ASTN2: variants seen among roughly 807,000 people sequenced by gnomAD.
ASTN2 encodes astrotactin 2.
A neutral mutation model predicts 139.8 loss-of-function variants in ASTN2; 54 were observed. The ratio of observed to expected loss-of-function variants is 0.39; its 90% CI spans 0.31 to 0.48. The LOEUF (loss-of-function observed/expected upper bound fraction) is 0.48, where lower values mean the gene tolerates loss of function less well. Ranked by LOEUF, ASTN2 falls within the 20% of genes least tolerant of loss-of-function variation. The pLI, the probability that ASTN2 is intolerant of heterozygous loss-of-function variation, is 0.95. For missense variants in ASTN2, 1,565 were observed against 1,725.1 expected (o/e 0.91, Z 1.64); for synonymous variants, 756 against 719.5 (o/e 1.05, Z -0.81).
intron 1 of ASTN2, among the ~76,000 whole-genome samples, chr9:117,345,278 C>T (rs1165359626): frequency 2.0e-5 from 3 of 152,168 alleles, no homozygotes; most frequent in African/African-American, 7.2e-5. Flanking sequence ...CAGCCACAGT[C>T]TAGGTCCTAG....
At chr9:117,182,891 C>T (rs10983562) in intron 3 of ASTN2, among the ~76,000 whole-genome samples, 17,620 of 152,134 alleles carry the variant, frequency 0.12, 1,186 homozygotes, top group Middle Eastern at 0.17. Flanking sequence ...GAGACTCTTC[C>T]TCATATTGAA....
At chr9:116,776,987 G>C (rs12236431) in intron 13 of ASTN2, among the ~76,000 whole-genome samples, 1 of 152,144 alleles carries the variant, frequency 6.6e-6, no homozygotes, top group African/African-American at 2.4e-5. Context: ...ACATCGTAAA[G>C]GTTCTGGATT....
intron 4 of ASTN2, among the ~76,000 whole-genome samples, chr9:117,129,144 G>T (rs1008676722): frequency 1.8e-4 from 27 of 152,272 alleles, no homozygotes; most frequent in African/African-American, 3.4e-4. Context: ...TTTTGTAAAG[G>T]TAATTTCAAT....
intron 1 of ASTN2, among the ~76,000 whole-genome samples, chr9:117,349,837 C>A (rs982021394): frequency 6.6e-6 from 1 of 152,124 alleles, no homozygotes; most frequent in African/African-American, 2.4e-5. Flanking sequence ...GGGACTTCAC[C>A]TCTGGCCAGT....
intron 5 of ASTN2, among the ~76,000 whole-genome samples, chr9:117,075,502 G>T (rs1828256948): frequency 6.7e-6 from 1 of 149,510 alleles, no homozygotes; most frequent in African/African-American, 2.4e-5. Context: ...GGAAGGGGGA[G>T]GGGGAGGAGG....
At chr9:117,038,132 A>G (rs1838444887) in intron 6 of ASTN2, among the ~76,000 whole-genome samples, 1 of 152,184 alleles carries the variant, frequency 6.6e-6, no homozygotes, top group African/African-American at 2.4e-5. Context: ...GCATTAATAG[A>G]AGTTTGAGTG....
At chr9:116,986,532 A>T (rs1836688193) in intron 7 of ASTN2, among the ~76,000 whole-genome samples, 1 of 152,186 alleles carries the variant, frequency 6.6e-6, no homozygotes, top group South Asian at 2.1e-4. Context: ...TCTGCCCAGG[A>T]TGGGGGCTCA....
At chr9:116,694,492 C>T (rs1285584006) in intron 16 of ASTN2, among the ~76,000 whole-genome samples, 3 of 110,340 alleles carry the variant, frequency 2.7e-5, no homozygotes, top group African/African-American at 3.6e-5. Flanking sequence ...GATGGAGTCT[C>T]GCTCTGTCAC....
At chr9:116,787,703 T>C (rs971253102) in intron 13 of ASTN2, among the ~76,000 whole-genome samples, 1 of 152,192 alleles carries the variant, frequency 6.6e-6, no homozygotes, top group East Asian at 1.9e-4. Context: ...TCTATTGCAA[T>C]AGCCTTGAAT....
chr9:117,191,789 CA>C (rs1831355037), intron 3 of ASTN2, among the ~76,000 whole-genome samples: 4 of 152,186 alleles, frequency 2.6e-5, no homozygotes, highest in African/African-American at 9.7e-5. Flanking sequence ...TGACATTTAC[CA>C]AACCTCCTTC....
intron 5 of ASTN2, among the ~76,000 whole-genome samples, chr9:117,078,374 A>G (rs1828335109): frequency 6.6e-6 from 1 of 152,198 alleles, no homozygotes; most frequent in Non-Finnish European, 1.5e-5. Context: ...TCCATTGAAG[A>G]GCCATCCTTG....
Position 116,470,681 on chromosome 9 carries a change from A to G in ASTN2, c.3497+16678T>C, listed in dbSNP as rs1447406800. ...CAAAGTATTTACATGAACACTCTTC[A>G]CTGAAGAGAAGGCAAAAGTCCTACC... is the stretch of plus-strand genomic sequence containing the variant. On this transcript the variant is annotated intron_variant, in intron 20 of 22. Transcript: ENST00000313400. Among the ~76,000 whole-genome samples the G allele has an allele frequency of 3.9e-5, 6 of 152,188 alleles. No individual in the cohort carries two copies. The East Asian group carries it at 9.6e-4, about 24-fold the overall frequency.
chr9:117,246,595 T>C (rs955296183), intron 2 of ASTN2, among the ~76,000 whole-genome samples: 1 of 152,154 alleles, frequency 6.6e-6, no homozygotes, highest in African/African-American at 2.4e-5. Context: ...TGCTGGCATC[T>C]CTCCCAAAAA....
At position 116,985,582 on chromosome 9, in the gene ASTN2, A is replaced by G. The variant is rs762977664; in HGVS notation, c.1592-8797T>C. The stretch of plus-strand genomic sequence containing the variant: ...TCTTCCACCTCTGAGTGCACCACAG[A>G]CATGATTATATATTATTAGTGTCTA... On this transcript the variant is annotated intron_variant, in intron 7 of 22. Transcript: ENST00000313400. Among the ~76,000 whole-genome samples the G allele has an allele frequency of 2.6e-5, 4 of 152,208 alleles. No homozygotes were observed. The South Asian group carries it at 8.3e-4, about 32-fold the overall frequency.
At position 116,922,809 on chromosome 9, in the gene ASTN2, T is replaced by C. The variant is rs776933337; in HGVS notation, c.1889+52399A>G. Among the ~76,000 whole-genome samples, 329 of 152,234 alleles carry C rather than the reference T, an allele frequency of 2.2e-3. 4 individuals carry two copies. The highest frequency in any genetic ancestry group is 3.6e-3 in the Non-Finnish European group (248 of 68,030). ...ATGTCAACAGTTCTGGGGATAAGCA[T>C]ATCAAACTGCTAAGAAATATGTACT... On this transcript the variant is annotated intron_variant, in intron 10 of 22. Coordinates refer to ENST00000313400, the MANE Select transcript of ASTN2 (RefSeq NM_001365068.1).
At chr9:117,274,976 T>C (rs1834151770) in intron 2 of ASTN2, among the ~76,000 whole-genome samples, 1 of 152,232 alleles carries the variant, frequency 6.6e-6, no homozygotes, top group African/African-American at 2.4e-5. Context: ...GAATCTAGGT[T>C]TTGGGTGGTT....
intron 22 of ASTN2, among the ~76,000 whole-genome samples, chr9:116,433,731 A>G (rs1329460543): frequency 6.6e-6 from 1 of 152,206 alleles, no homozygotes; most frequent in Non-Finnish European, 1.5e-5. Flanking sequence ...AAATAAACCC[A>G]TATCAAATTT....
At position 116,698,846 on chromosome 9, in the gene ASTN2, A is replaced by C; in HGVS notation, c.2806+26925T>G. The C allele has an allele frequency of 1.2e-6, 2 of 1,614,228 alleles. No homozygotes were observed. Among genetic ancestry groups the C allele is most frequent in the Non-Finnish European group, 1.7e-6 (2 of 1,180,042 alleles). ...AGATGGGGGCCAAAGGCAGCACTCC[A>C]GGAATGTTCAATCTTCCAGTCAGTC... On this transcript the variant is annotated intron_variant, in intron 16 of 22. Transcript: ENST00000313400. The surrounding 1 kb of genome is among the most constrained non-coding windows in gnomAD (Gnocchi z 4.4).
chr9:116,872,543 C>A (rs887605091), intron 10 of ASTN2, among the ~76,000 whole-genome samples: 6 of 152,034 alleles, frequency 3.9e-5, no homozygotes, highest in Admixed American at 1.3e-4. Flanking sequence ...CTGGGAGACA[C>A]AGGAATGGAT....
Sources: gnomAD v4.1 joint callset for allele counts (sites outside exome capture counted in the v4.1 genomes callset) on GRCh38, gnomAD v4.1.1 for gene constraint, Gnocchi (gnomAD v3.1) non-coding constraint, MANE v1.5 for transcripts, NCBI Gene and HGNC (gene_info 2026-07-23, HGNC 2026-07-21) for gene names.